The following PRKG1 variants were observed in gnomAD, a reference collection of about 807,000 sequenced individuals.
The protein encoded by PRKG1 is protein kinase cGMP-dependent 1, also known as cGMP-dependent protein kinase 1.
PRKG1 carries 35 observed loss-of-function variants against 88.1 expected under a neutral mutation model. The ratio of observed to expected loss-of-function variants is 0.40; its 90% CI spans 0.30 to 0.53. The LOEUF (loss-of-function observed/expected upper bound fraction) is 0.53. PRKG1 is among the 20% of genes least tolerant of loss of function. The pLI is 0.59. For missense variants in PRKG1, 540 were observed against 839.8 expected (o/e 0.64, Z 4.41); for synonymous variants, 303 against 292.5 (o/e 1.04, Z -0.37).
rs541342296 is a variant in PRKG1 at position 51,557,193 on chromosome 10, A to G, written c.592+89357A>G. On this transcript the variant is annotated intron_variant, in intron 3 of 17. Coordinates refer to ENST00000373980, the MANE Select transcript of PRKG1 (RefSeq NM_006258.4). ...TTATAGCTGCTAAGTTAGGGCAAGA[A>G]ACTCTGTAATATCTCTAATATTGCA... is the stretch of plus-strand genomic sequence containing the variant. 9.9e-5 allele frequency among the ~76,000 whole-genome samples: 15 copies of G among 152,162 alleles called. No individual in the cohort carries two copies. The East Asian group carries it at 2.9e-3, about 29-fold the overall frequency.
At chr10:51,291,644 A>C (rs1295018578) in intron 2 of PRKG1, among the ~76,000 whole-genome samples, 2 of 152,194 alleles carry the variant, frequency 1.3e-5, no homozygotes, top group Non-Finnish European at 2.9e-5. Flanking sequence ...CGCAAAACTT[A>C]AGAGGAATGG....
At chr10:52,064,582 G>A (rs1454838146) in intron 7 of PRKG1, among the ~76,000 whole-genome samples, 1 of 152,318 alleles carries the variant, frequency 6.6e-6, no homozygotes, top group Admixed American at 6.5e-5. Flanking sequence ...GGAGAAAAGG[G>A]CTCCTGCTTC....
chr10:51,868,879 T>C (rs1469992308), intron 4 of PRKG1, among the ~76,000 whole-genome samples: 5 of 152,194 alleles, frequency 3.3e-5, no homozygotes, highest in Admixed American at 3.3e-4. Context: ...TTTTCTGTTA[T>C]AATGAGTGCA....
Position 51,638,469 on chromosome 10 carries a change from T to C in PRKG1, c.593-166116T>C, listed in dbSNP as rs138333161. On this transcript the variant is annotated intron_variant, in intron 3 of 17. Coordinates refer to ENST00000373980, the MANE Select transcript of PRKG1 (RefSeq NM_006258.4). ...TATTATAAATATTCAATATTTGATA[T>C]GCAGTTGAATTTTATTATGCATTCA... is the stretch of plus-strand genomic sequence containing the variant. 1.1e-4 allele frequency among the ~76,000 whole-genome samples: 16 copies of C among 152,362 alleles called. No homozygotes were observed. The East Asian group carries it at 3.1e-3, about 29-fold the overall frequency.
chr10:51,209,858 T>G (rs536290916), intron 2 of PRKG1, among the ~76,000 whole-genome samples: 2 of 152,304 alleles, frequency 1.3e-5, no homozygotes, highest in South Asian at 4.1e-4. Context: ...GGCACAATTT[T>G]CATTAAACTT....
intron 1 of PRKG1, among the ~76,000 whole-genome samples, chr10:51,147,910 G>A (rs1411131943): frequency 2.6e-5 from 4 of 152,272 alleles, no homozygotes; most frequent in African/African-American, 9.6e-5. Context: ...CAATAACTTT[G>A]CAGGATTAAA....
At chr10:52,008,322 C>A (rs1365561270) in intron 5 of PRKG1, among the ~76,000 whole-genome samples, 2 of 151,896 alleles carry the variant, frequency 1.3e-5, no homozygotes, top group South Asian at 2.1e-4. Context: ...CCACATAATA[C>A]ATCAACAGAT....
chr10:51,585,649 C>A (rs933876287), intron 3 of PRKG1, among the ~76,000 whole-genome samples: 3 of 152,030 alleles, frequency 2.0e-5, no homozygotes, highest in Non-Finnish European at 4.4e-5. Context: ...AATTGGTCTA[C>A]CAAAAAAGCA....
Position 51,179,894 on chromosome 10 carries a change from C to G in PRKG1, c.478+26564C>G, listed in dbSNP as rs545691122. Among the ~76,000 whole-genome samples the G allele has an allele frequency of 2.6e-5, 4 of 152,240 alleles. No individual in the cohort carries two copies. The East Asian group carries it at 7.7e-4, about 29-fold the overall frequency. ...TGCAAAATGAAAATAATCATAGTCCCTACTTTGTATTAATAGTCCCTACCA... is the reference window on the plus strand; with the variant it reads ...TGCAAAATGAAAATAATCATAGTCCGTACTTTGTATTAATAGTCCCTACCA... On this transcript the variant is annotated intron_variant, in intron 2 of 17. Transcript: ENST00000373980.
chr10:51,393,194 G>A (rs1019923054), intron 2 of PRKG1, among the ~76,000 whole-genome samples: 2 of 151,848 alleles, frequency 1.3e-5, no homozygotes, highest in Admixed American at 6.6e-5. Flanking sequence ...TCGCGGGGCC[G>A]GGCAGAGGCG....
intron 1 of PRKG1, among the ~76,000 whole-genome samples, chr10:51,007,916 G>A (rs937141852): frequency 3.3e-5 from 5 of 152,270 alleles, no homozygotes; most frequent in Middle Eastern, 3.4e-3. Context: ...ATCCCATGGT[G>A]GTTTCATGGT....
At chr10:52,112,727 G>T (rs1236429472) in intron 7 of PRKG1, among the ~76,000 whole-genome samples, 1 of 151,996 alleles carries the variant, frequency 6.6e-6, no homozygotes, top group Non-Finnish European at 1.5e-5. Flanking sequence ...AATTTGATTG[G>T]CCAGCTTGGT....
At chr10:51,285,007 C>T (rs546002984) in intron 2 of PRKG1, among the ~76,000 whole-genome samples, 6 of 143,658 alleles carry the variant, frequency 4.2e-5, no homozygotes, top group Admixed American at 2.8e-4. Context: ...AACTCGTCAT[C>T]TAGCATTAGG....
intron 7 of PRKG1, among the ~76,000 whole-genome samples, chr10:52,112,396 T>C (rs1377855046): frequency 6.6e-6 from 1 of 152,156 alleles, no homozygotes; most frequent in African/African-American, 2.4e-5. Context: ...TATACTTTGA[T>C]TGTTAATTAC....
At chr10:51,363,645 C>T (rs545734818) in intron 2 of PRKG1, among the ~76,000 whole-genome samples, 2 of 151,954 alleles carry the variant, frequency 1.3e-5, no homozygotes, top group Admixed American at 6.6e-5. Context: ...ATTAGAGACA[C>T]GTATTGTTGT....
intron 3 of PRKG1, among the ~76,000 whole-genome samples, chr10:51,515,295 T>G (rs1474566580): frequency 6.6e-6 from 1 of 152,190 alleles, no homozygotes; most frequent in Non-Finnish European, 1.5e-5. Flanking sequence ...CCCTTACTTA[T>G]TACTAATAGA....
intron 3 of PRKG1, chr10:51,695,357 C>G (rs1423274568): frequency 6.6e-6 from 1 of 152,118 alleles, no homozygotes; most frequent in Admixed American, 6.5e-5. Flanking sequence ...TGAGTTCCAT[C>G]CATTCCTGCA....
chr10:52,128,031 T>C (rs1198719375), intron 7 of PRKG1: 3 of 983,370 alleles, frequency 3.1e-6, no homozygotes, highest in Non-Finnish European at 3.6e-6. Context: ...TGTCATTTCC[T>C]ATCAATTTTG....
intron 4 of PRKG1, among the ~76,000 whole-genome samples, chr10:51,902,080 A>C (rs1841992516): frequency 6.6e-6 from 1 of 151,996 alleles, no homozygotes; most frequent in South Asian, 2.1e-4. Flanking sequence ...CTATTCTTAA[A>C]TTAAGAAAAT....
Sources: allele counts gnomAD v4.1 joint callset (sites outside exome capture counted in the v4.1 genomes callset), GRCh38; gene constraint gnomAD v4.1.1; transcripts MANE v1.5; gene names NCBI Gene and HGNC (gene_info 2026-07-23, HGNC 2026-07-21).